NELL1: variants seen among roughly 807,000 people sequenced by gnomAD.
NELL1 encodes protein kinase C-binding protein NELL1.
A neutral mutation model predicts 107.4 loss-of-function variants in NELL1; 76 were observed. The ratio of observed to expected loss-of-function variants is 0.71; its 90% CI spans 0.59 to 0.86. The LOEUF (loss-of-function observed/expected upper bound fraction) is 0.86. Among genes scored for constraint, NELL1 ranks in the 40% least tolerant of loss-of-function variants. NELL1 has a pLI of 0.00. For synonymous variants in NELL1, 353 were observed against 341.2 expected (o/e 1.03, Z -0.38); for missense variants, 1,024 against 1,005.5 (o/e 1.02, Z -0.25).
intron 3 of NELL1, among the ~76,000 whole-genome samples, chr11:20,793,145 G>C (rs1009658014): frequency 6.6e-6 from 1 of 151,904 alleles, no homozygotes; most frequent in Non-Finnish European, 1.5e-5. Flanking sequence ...TGGTCTTGGG[G>C]AAGCTGGAAA....
chr11:21,219,218 T>C (rs1036152621), intron 13 of NELL1, among the ~76,000 whole-genome samples: 3 of 152,160 alleles, frequency 2.0e-5, no homozygotes, highest in Admixed American at 2.0e-4. Context: ...GATTTTCATT[T>C]CCTTGATGAT....
At chr11:21,156,437 G>A (rs1856236506) in intron 13 of NELL1, among the ~76,000 whole-genome samples, 1 of 152,098 alleles carries the variant, frequency 6.6e-6, no homozygotes, top group Non-Finnish European at 1.5e-5. Context: ...GATGGACAGT[G>A]GAGCTCATCT....
chr11:21,171,463 C>A (rs1856605581), intron 13 of NELL1, among the ~76,000 whole-genome samples: 1 of 151,854 alleles, frequency 6.6e-6, no homozygotes, highest in Non-Finnish European at 1.5e-5. Flanking sequence ...GTGATAGACC[C>A]TTTTGTAAAT....
chr11:20,978,003 T>G (rs1851674181), intron 12 of NELL1, among the ~76,000 whole-genome samples: 1 of 152,224 alleles, frequency 6.6e-6, no homozygotes, highest in African/African-American at 2.4e-5. Context: ...AGAGCTCTGA[T>G]TCTGCAATGC....
chr11:21,117,719 C>T (rs1181451460), intron 13 of NELL1, among the ~76,000 whole-genome samples: 1 of 151,858 alleles, frequency 6.6e-6, no homozygotes, highest in East Asian at 1.9e-4. Context: ...TTCTGCATAC[C>T]ATATTCACTT....
intron 15 of NELL1, among the ~76,000 whole-genome samples, chr11:21,393,784 G>A (rs1328131726): frequency 6.6e-6 from 1 of 151,662 alleles, no homozygotes; most frequent in Non-Finnish European, 1.5e-5. Flanking sequence ...AAAGATGACT[G>A]ACTATGAAAT....
chr11:21,009,021 T>G (rs1214256617), intron 12 of NELL1, among the ~76,000 whole-genome samples: 1 of 152,040 alleles, frequency 6.6e-6, no homozygotes, highest in Non-Finnish European at 1.5e-5. Flanking sequence ...ATTTGATTGG[T>G]GGGACATGAA....
intron 14 of NELL1, among the ~76,000 whole-genome samples, chr11:21,296,224 T>C (rs1849372853): frequency 6.6e-6 from 1 of 151,982 alleles, no homozygotes; most frequent in South Asian, 2.1e-4. Context: ...CAAGAAACTA[T>C]TTTGGGGAGA....
chr11:21,255,459 G>C (rs1248152220), intron 14 of NELL1, among the ~76,000 whole-genome samples: 1 of 151,988 alleles, frequency 6.6e-6, no homozygotes. Context: ...AATATCTTGT[G>C]TGCACTAGCT....
chr11:21,048,212 A>C (rs1285771111), intron 12 of NELL1, among the ~76,000 whole-genome samples: 1 of 152,118 alleles, frequency 6.6e-6, no homozygotes. Context: ...CTTTCTGGTG[A>C]AAAGAGATCT....
chr11:20,986,655 C>A (rs1181566022), intron 12 of NELL1, among the ~76,000 whole-genome samples: 1 of 152,156 alleles, frequency 6.6e-6, no homozygotes, highest in Non-Finnish European at 1.5e-5. Flanking sequence ...GACACAGCAT[C>A]CTTCCCGTAT....
At chr11:21,160,054 C>A (rs1856328515) in intron 13 of NELL1, among the ~76,000 whole-genome samples, 1 of 152,194 alleles carries the variant, frequency 6.6e-6, no homozygotes, top group Non-Finnish European at 1.5e-5. Flanking sequence ...CAAAGAGCAA[C>A]CACATTTCTT....
chr11:21,539,470 G>A (rs564448190), intron 16 of NELL1, among the ~76,000 whole-genome samples: 10 of 152,058 alleles, frequency 6.6e-5, no homozygotes, highest in Non-Finnish European at 1.5e-4. Context: ...TTGAAGGATG[G>A]TGAATGTGGG....
intron 14 of NELL1, among the ~76,000 whole-genome samples, chr11:21,319,076 T>G (rs1849944359): frequency 6.6e-6 from 1 of 151,988 alleles, no homozygotes; most frequent in East Asian, 1.9e-4. Flanking sequence ...ATTCCTCAAA[T>G]TAGAATATTC....
At chr11:21,019,470 G>A (rs970099386) in intron 12 of NELL1, among the ~76,000 whole-genome samples, 7 of 152,040 alleles carry the variant, frequency 4.6e-5, no homozygotes, top group Non-Finnish European at 1.0e-4. Flanking sequence ...TGCACTCTGC[G>A]AGGCATTCTT....
intron 3 of NELL1, among the ~76,000 whole-genome samples, chr11:20,821,575 A>G (rs1031441981): frequency 5.9e-5 from 9 of 152,238 alleles, no homozygotes; most frequent in African/African-American, 1.2e-4. Flanking sequence ...AGGACTTGTT[A>G]TGATTATAAT....
chr11:21,416,956 TA>T (rs1406728065), intron 15 of NELL1, among the ~76,000 whole-genome samples: 5 of 152,224 alleles, frequency 3.3e-5, no homozygotes, highest in East Asian at 1.9e-4. Flanking sequence ...AATATAAGTT[TA>T]TTTTTTTTAG....
In NELL1 at chr11:21,088,059, C is replaced by CTCTG. The variant is rs1554966398; in HGVS notation, c.1301-25529_1301-25528insCTGT. Among the ~76,000 whole-genome samples the CTCTG allele has an allele frequency of 3.7e-5, 5 of 136,068 alleles. No individual in the cohort carries two copies. In the South Asian group the frequency reaches 1.1e-3, roughly 29 times the overall value. 89.3% of individuals were successfully genotyped at this position (136,068 alleles called of 152,430 possible). On this transcript the variant is annotated intron_variant, in intron 12 of 19. Coordinates refer to ENST00000357134, the MANE Select transcript of NELL1 (RefSeq NM_006157.5). ...TTGTTTTCTGTGAGTCCCAGTAGCT[C>CTCTG]TGTGTGTGTGTGTGTGTGTGTGTGT...
intron 13 of NELL1, among the ~76,000 whole-genome samples, chr11:21,215,216 C>A (rs1181868899): frequency 6.6e-6 from 1 of 152,152 alleles, no homozygotes; most frequent in Non-Finnish European, 1.5e-5. Context: ...TTTCCCCACC[C>A]TTTTCTCTCA....
Sources: allele counts gnomAD v4.1 joint callset (sites outside exome capture counted in the v4.1 genomes callset), GRCh38; gene constraint gnomAD v4.1.1; transcripts MANE v1.5; gene names NCBI Gene and HGNC (gene_info 2026-07-23, HGNC 2026-07-21).